CFAP58: variants seen among roughly 807,000 people sequenced by gnomAD.
The protein encoded by CFAP58 is cilia and flagella associated protein 58, also known as cilia- and flagella-associated protein 58.
In CFAP58, 88 loss-of-function variants were observed where a neutral mutation model predicts 119.5. The ratio of observed to expected loss-of-function variants is 0.74; its 90% CI spans 0.62 to 0.88. The LOEUF (loss-of-function observed/expected upper bound fraction) is 0.88, where lower values mean the gene tolerates loss of function less well. Among genes scored for constraint, CFAP58 ranks in the 40% least tolerant of loss-of-function variants. The pLI, the probability that CFAP58 is intolerant of heterozygous loss-of-function variation, is 0.00. For synonymous variants in CFAP58, 365 were observed against 366.3 expected (o/e 1.00, Z 0.04); for missense variants, 990 against 1,021.2 (o/e 0.97, Z 0.42).
chr10:104,413,266 T>C (rs1217686455), intron 15 of CFAP58, among the ~76,000 whole-genome samples: 1 of 152,216 alleles, frequency 6.6e-6, no homozygotes, highest in Non-Finnish European at 1.5e-5. Flanking sequence ...GAATTTACTG[T>C]GGGTTTATGG....
At chr10:104,360,732 T>A (rs570197531) in intron 2 of CFAP58, among the ~76,000 whole-genome samples, 13 of 152,182 alleles carry the variant, frequency 8.5e-5, no homozygotes, top group African/African-American at 3.1e-4. Context: ...GAACATGTGG[T>A]ATTTGGTTGT....
chr10:104,361,840 C>G (rs2014670466), intron 2 of CFAP58, among the ~76,000 whole-genome samples, 183 bp from the exon 3 acceptor site: 1 of 152,226 alleles, frequency 6.6e-6, no homozygotes, highest in African/African-American at 2.4e-5. Flanking sequence ...CCTGTACCAC[C>G]ACGTCCAGTC....
chr10:104,365,397 A>AT (rs2014728025), intron 4 of CFAP58, among the ~76,000 whole-genome samples: 1 of 152,204 alleles, frequency 6.6e-6, no homozygotes, highest in South Asian at 2.1e-4. Context: ...ACATCAAGAT[A>AT]AACCTATAAT....
intron 8 of CFAP58, among the ~76,000 whole-genome samples, chr10:104,377,987 T>C (rs1211377443): frequency 6.6e-6 from 1 of 152,256 alleles, no homozygotes; most frequent in Non-Finnish European, 1.5e-5. Context: ...GTTTATATTT[T>C]ATATGTACTA....
intron 7 of CFAP58, among the ~76,000 whole-genome samples, chr10:104,376,037 G>T (rs1000066904): frequency 3.9e-5 from 6 of 152,108 alleles, no homozygotes; most frequent in African/African-American, 1.4e-4. Flanking sequence ...GGATCTGGAA[G>T]GGAAGGAAGG....
intron 8 of CFAP58, 89 bp downstream of exon 8, chr10:104,376,982 C>T (rs1269565241): frequency 1.0e-6 from 1 of 993,256 alleles, no homozygotes; most frequent in Non-Finnish European, 1.5e-6. Flanking sequence ...GAAAAGAAAA[C>T]TCCGAGGCAA....
intron 1 of CFAP58, among the ~76,000 whole-genome samples, chr10:104,357,801 A>ATG (rs1491468140): frequency 7.2e-6 from 1 of 138,210 alleles, no homozygotes; most frequent in East Asian, 1.9e-4. Flanking sequence ...ACATATATAT[A>ATG]CACACATATA....
intron 9 of CFAP58, among the ~76,000 whole-genome samples, chr10:104,381,617 A>T (rs952241352): frequency 1.4e-5 from 2 of 147,388 alleles, no homozygotes; most frequent in Admixed American, 6.8e-5. Flanking sequence ...GCATGCTTAA[A>T]TTTTTTTTTT....
intron 15 of CFAP58, among the ~76,000 whole-genome samples, chr10:104,441,813 T>C (rs79902927): frequency 0.012 from 1,768 of 152,338 alleles, 34 homozygotes; most frequent in African/African-American, 0.04. Context: ...AATGCCAGCA[T>C]TTCCTGTCCT....
chr10:104,348,443 A>T, the CFAP58 span, among the ~76,000 whole-genome samples: 1 of 152,216 alleles, frequency 6.6e-6, no homozygotes, highest in South Asian at 2.1e-4. Context: ...AGGCGATTCT[A>T]TCCAGGTTTA....
At chr10:104,415,710 A>G (rs775579388) in intron 15 of CFAP58, among the ~76,000 whole-genome samples, 33 of 152,184 alleles carry the variant, frequency 2.2e-4, no homozygotes, top group Non-Finnish European at 4.0e-4. Flanking sequence ...ACTACCAACC[A>G]GGTAGATCCC....
At chr10:104,405,889 T>G (rs913795670) in intron 14 of CFAP58, among the ~76,000 whole-genome samples, 1 of 152,192 alleles carries the variant, frequency 6.6e-6, no homozygotes, top group Non-Finnish European at 1.5e-5. Context: ...GGTGGGAGGA[T>G]TGCCTGAGCC....
At chr10:104,450,675 T>TTATC (rs1402084779) in intron 17 of CFAP58, among the ~76,000 whole-genome samples, 1 of 140,132 alleles carries the variant, frequency 7.1e-6, no homozygotes, top group Non-Finnish European at 1.6e-5. Flanking sequence ...TATGTTTTAT[T>TTATC]TATTTATTTA....
intron 5 of CFAP58, among the ~76,000 whole-genome samples, chr10:104,367,206 G>A (rs1186212448): frequency 6.6e-6 from 1 of 152,096 alleles, no homozygotes; most frequent in Non-Finnish European, 1.5e-5. Flanking sequence ...ACTAGGGTCA[G>A]TCTTTATGTA....
intron 3 of CFAP58, among the ~76,000 whole-genome samples, chr10:104,363,264 C>T (rs938282342): frequency 2.6e-5 from 4 of 152,170 alleles, no homozygotes; most frequent in Non-Finnish European, 5.9e-5. Context: ...CCTTTATATC[C>T]CCTCCAGGAG....
intron 15 of CFAP58, among the ~76,000 whole-genome samples, chr10:104,429,870 C>CT (rs1326958213): frequency 4.7e-5 from 6 of 128,440 alleles, no homozygotes; most frequent in East Asian, 2.3e-4. Flanking sequence ...AATATAAACT[C>CT]ATTTTTTTTT....
chr10:104,428,711 G>C (rs1266832015), intron 15 of CFAP58, among the ~76,000 whole-genome samples: 2 of 152,202 alleles, frequency 1.3e-5, no homozygotes, highest in African/African-American at 4.8e-5. Flanking sequence ...GTGCATGGGT[G>C]TGTGTCTGCG....
intron 13 of CFAP58, among the ~76,000 whole-genome samples, chr10:104,401,732 C>T (rs74154801): frequency 0.011 from 1,705 of 151,886 alleles, 32 homozygotes; most frequent in African/African-American, 0.039. Flanking sequence ...GAGGTTGCCA[C>T]TATCAAGGAT....
rs575694963 is a variant in CFAP58, at chr10:104,368,635, C to T, written c.930+75C>T. ...GGTTTGCCTTGGCAATTGGAGCCCTCAGTTGGAGAGCCTGTGTTGGCTCTA... is the reference window on the plus strand; with the variant it reads ...GGTTTGCCTTGGCAATTGGAGCCCTTAGTTGGAGAGCCTGTGTTGGCTCTA... On this transcript the variant is annotated intron_variant, in intron 6 of 17. Coordinates refer to ENST00000369704, the MANE Select transcript of CFAP58 (RefSeq NM_001008723.2). 9.2e-6 allele frequency: 14 copies of T among 1,524,564 alleles called. No homozygotes were observed. In the East Asian group the frequency reaches 3.2e-4, roughly 34 times the overall value. The allele number at this position is 1,524,564 out of a possible 1,614,324, so 94.4% of individuals were successfully genotyped here.
Sources: allele counts gnomAD v4.1 joint callset (sites outside exome capture counted in the v4.1 genomes callset), GRCh38; gene constraint gnomAD v4.1.1; transcripts MANE v1.5; gene names NCBI Gene and HGNC (gene_info 2026-07-23, HGNC 2026-07-21).